VWA8: variants seen among roughly 807,000 people sequenced by gnomAD.
VWA8 encodes the protein von Willebrand factor A domain containing 8.
A neutral mutation model predicts 241.5 loss-of-function variants in VWA8; 221 were observed. That is an observed-to-expected ratio of 0.91 (90% CI 0.82 to 1.02). VWA8 has a LOEUF of 1.02. Ranked by LOEUF, VWA8 falls within the 50% of genes least tolerant of loss-of-function variation. The probability of loss-of-function intolerance (pLI) is 0.00; values close to 1 mark genes in which losing one functional copy is unlikely to be tolerated. For synonymous variants in VWA8, 852 were observed against 827.1 expected, an observed-to-expected ratio of 1.03 and a Z score of -0.52; for missense variants, 2,322 against 2,328.7, an observed-to-expected ratio of 1.00 and a Z score of 0.06.
At chr13:41,611,453 T>C (rs1353938328) in intron 39 of VWA8, 123 bp downstream of exon 39, 8 of 1,326,464 alleles carry the variant, frequency 6.0e-6, no homozygotes, top group Admixed American at 2.3e-5. Context: ...GGATTTCAGT[T>C]TGAGGTCCGA....
chr13:41,727,712 ATCAGTAACC>A (rs2137858676), intron 23 of VWA8, among the ~76,000 whole-genome samples: 1 of 152,322 alleles, frequency 6.6e-6, no homozygotes, highest in South Asian at 2.1e-4. Flanking sequence ...TTTTTATCAA[ATCAGTAACC>A]TCATCCTTTT....
intron 12 of VWA8, among the ~76,000 whole-genome samples, chr13:41,840,372 T>C (rs1262252165): frequency 6.6e-6 from 1 of 151,528 alleles, no homozygotes; most frequent in African/African-American, 2.4e-5. Context: ...AGGTGACGGG[T>C]TGGTTGATGG....
At chr13:41,612,387 T>C (rs942629004) in intron 38 of VWA8, among the ~76,000 whole-genome samples, 1 of 152,224 alleles carries the variant, frequency 6.6e-6, no homozygotes, top group African/African-American at 2.4e-5. Flanking sequence ...TTTAGAACAG[T>C]CTTTCAATAG....
intron 12 of VWA8, among the ~76,000 whole-genome samples, chr13:41,862,053 A>G (rs931774987): frequency 6.6e-6 from 1 of 152,210 alleles, no homozygotes; most frequent in Non-Finnish European, 1.5e-5. Context: ...ACTAGACTAC[A>G]AAGCCACAGT....
intron 40 of VWA8, among the ~76,000 whole-genome samples, chr13:41,593,144 C>T (rs2044467255): frequency 6.6e-6 from 1 of 152,192 alleles, no homozygotes; most frequent in Admixed American, 6.5e-5. Context: ...CACAAAGAAG[C>T]ACCACACAAT....
At chr13:41,705,052 C>A (rs1448518184) in intron 26 of VWA8, among the ~76,000 whole-genome samples, 1 of 152,086 alleles carries the variant, frequency 6.6e-6, no homozygotes, top group Admixed American at 6.5e-5. Context: ...ATAATGGAAG[C>A]AAACATTCTA....
chr13:41,809,417 T>C (rs1399167090), intron 17 of VWA8, among the ~76,000 whole-genome samples: 2 of 152,202 alleles, frequency 1.3e-5, no homozygotes, highest in African/African-American at 4.8e-5. Flanking sequence ...CATAGACCAA[T>C]GGAACAGAAT....
intron 31 of VWA8, 85 bp from the exon 32 acceptor site, chr13:41,691,530 T>C (rs968983972): frequency 6.8e-7 from 1 of 1,468,268 alleles, no homozygotes. Flanking sequence ...TGATACATTA[T>C]GCAACCCATA....
At chr13:41,807,263 T>C (rs971425118) in intron 17 of VWA8, among the ~76,000 whole-genome samples, 13 of 152,170 alleles carry the variant, frequency 8.5e-5, no homozygotes, top group African/African-American at 3.1e-4. Context: ...CAAACATTTA[T>C]AGAAGAACTA....
chr13:41,921,729 G>T (rs1876546299), intron 2 of VWA8, among the ~76,000 whole-genome samples: 1 of 152,148 alleles, frequency 6.6e-6, no homozygotes, highest in Non-Finnish European at 1.5e-5. Context: ...ACTTACAAGG[G>T]ATGTGAAGGA....
intron 17 of VWA8, among the ~76,000 whole-genome samples, chr13:41,807,190 C>G (rs78930579): frequency 5.9e-5 from 9 of 151,982 alleles, no homozygotes; most frequent in Admixed American, 2.0e-4. Context: ...AGATTGACAC[C>G]ATAACAAAAA....
intron 9 of VWA8, among the ~76,000 whole-genome samples, chr13:41,874,794 C>T (rs137903001): frequency 1.3e-5 from 2 of 151,968 alleles, no homozygotes; most frequent in East Asian, 3.9e-4. Flanking sequence ...GTTGCCTGAA[C>T]AAATATGTTG....
Position 41,906,696 on chromosome 13 carries a change from G to A in VWA8, c.483+890C>T, listed in dbSNP as rs1875736354. ...TTTCATGTTTTATGTGAATATACTT[G>A]ACTAAAATTTCTAGAAACATAACTG... On this transcript the variant is annotated intron_variant, in intron 4 of 44. Transcript: ENST00000379310. Among the ~76,000 whole-genome samples, 5 of 152,140 alleles carry A rather than the reference G, an allele frequency of 3.3e-5. No homozygotes were observed. In the South Asian group the frequency reaches 8.3e-4, roughly 25 times the overall value.
intron 35 of VWA8, among the ~76,000 whole-genome samples, chr13:41,676,018 G>C (rs946555113): frequency 1.3e-5 from 2 of 152,014 alleles, no homozygotes; most frequent in African/African-American, 4.8e-5. Flanking sequence ...CCATTATTCT[G>C]ATTGTTGAAA....
At position 41,729,576 on chromosome 13, in the gene VWA8, T is replaced by C; in HGVS notation, c.2604A>G (p.Glu868=). Residue 868 remains glutamate (E), a synonymous_variant, in exon 23 of 45, where the codon GAA becomes GAG. Transcript: ENST00000379310. Reference sequence around the variant, plus strand: ...TGCGTCTTCCATCTGCTAGAATCATTTCTCCATTTTCTACTAGAGTTTTTA... The same window carrying C: ...TGCGTCTTCCATCTGCTAGAATCATCTCTCCATTTTCTACTAGAGTTTTTA... The part of the protein sequence containing the change: ...CILKTLVENG[E]MILADGRRIV... 6.2e-7 allele frequency: 1 copy of C among 1,612,770 alleles called. No homozygotes were observed.
chr13:41,753,282 T>A (rs1429397811), intron 21 of VWA8, among the ~76,000 whole-genome samples: 3 of 152,138 alleles, frequency 2.0e-5, no homozygotes, highest in Non-Finnish European at 4.4e-5. Context: ...TCTTCAATTA[T>A]GAAGGATAGC....
At chr13:41,708,933 ATCTT>A (rs1244337543) in intron 26 of VWA8, among the ~76,000 whole-genome samples, 1 of 151,942 alleles carries the variant, frequency 6.6e-6, no homozygotes, top group Non-Finnish European at 1.5e-5. Flanking sequence ...CCTTTCCTTC[ATCTT>A]TCTTCACATT....
chr13:41,780,986 ACT>A (rs1414408834), intron 19 of VWA8, among the ~76,000 whole-genome samples: 1 of 151,912 alleles, frequency 6.6e-6, no homozygotes, highest in Admixed American at 6.6e-5. Context: ...TGTCCTCTCC[ACT>A]CTGTCCCCAC....
intron 24 of VWA8, among the ~76,000 whole-genome samples, chr13:41,725,198 G>GAA (rs67588391): frequency 2.7e-5 from 4 of 150,646 alleles, no homozygotes; most frequent in Non-Finnish European, 5.9e-5. Context: ...AGCTGGGTAA[G>GAA]AAAAAAAAAG....
Sources: allele counts gnomAD v4.1 joint callset (sites outside exome capture counted in the v4.1 genomes callset), GRCh38; gene constraint gnomAD v4.1.1; transcripts MANE v1.5; gene names NCBI Gene and HGNC (gene_info 2026-07-23, HGNC 2026-07-21).